Variants in NOTCH2NLC observed in about 807,000 individuals in gnomAD.
NOTCH2NLC encodes the protein notch homolog 2 N-terminal-like protein C.
NOTCH2NLC carries 4 observed loss-of-function variants against 17.7 expected under a neutral mutation model. The ratio of observed to expected loss-of-function variants is 0.23; its 90% confidence interval spans 0.11 to 0.52. NOTCH2NLC has a LOEUF of 0.52. Among genes scored for constraint, NOTCH2NLC ranks in the 20% least tolerant of loss-of-function variants. The probability of loss-of-function intolerance (pLI) is 0.96; values close to 1 mark genes in which losing one functional copy is unlikely to be tolerated. For synonymous variants in NOTCH2NLC, 18 were observed against 86.0 expected (o/e 0.21, Z 4.38); for missense variants, 57 against 207.2 (o/e 0.28, Z 4.45).
intron 1 of NOTCH2NLC, among the ~76,000 whole-genome samples, chr1:149,393,232 CAAGTT>C (rs1426380932): frequency 3.3e-5 from 5 of 150,494 alleles, no homozygotes; most frequent in African/African-American, 1.2e-4. Flanking sequence ...TTTAGGTAGT[CAAGTT>C]GAGTGTTAGT....
chr1:149,413,803 T>G (rs2084313502), intron 1 of NOTCH2NLC, among the ~76,000 whole-genome samples: 1 of 151,094 alleles, frequency 6.6e-6, no homozygotes, highest in Non-Finnish European at 1.5e-5. Flanking sequence ...ATTAGTATAT[T>G]GCTGATTTGG....
At chr1:149,400,128 AT>A (rs1337843676) in intron 1 of NOTCH2NLC, among the ~76,000 whole-genome samples, 2 of 141,576 alleles carry the variant, frequency 1.4e-5, no homozygotes, top group East Asian at 4.0e-4. Context: ...ATATATATAT[AT>A]ATAATATATA....
chr1:149,393,381 A>C (rs1345732066), intron 1 of NOTCH2NLC, among the ~76,000 whole-genome samples: 1 of 151,126 alleles, frequency 6.6e-6, no homozygotes, highest in Non-Finnish European at 1.5e-5. Flanking sequence ...TAGAGTCTAC[A>C]GTGAAGGCTT....
intron 2 of NOTCH2NLC, among the ~76,000 whole-genome samples, chr1:149,442,141 A>C (rs1559608852): frequency 6.6e-6 from 1 of 150,450 alleles, no homozygotes; most frequent in African/African-American, 2.4e-5. Context: ...ACAGGCTCTC[A>C]TGTTGGCCAG....
At chr1:149,461,340 A>C (rs1359172888) in intron 3 of NOTCH2NLC, among the ~76,000 whole-genome samples, 2 of 149,308 alleles carry the variant, frequency 1.3e-5, no homozygotes, top group Non-Finnish European at 3.0e-5. Context: ...TCTTAGTGAC[A>C]TGAGTGGAAA....
At chr1:149,463,278 C>T (rs1328170414) in intron 3 of NOTCH2NLC, among the ~76,000 whole-genome samples, 2 of 149,278 alleles carry the variant, frequency 1.3e-5, no homozygotes, top group Admixed American at 6.7e-5. Context: ...GCTCCACCCA[C>T]TGAGTCCTTG....
intron 3 of NOTCH2NLC, among the ~76,000 whole-genome samples, chr1:149,461,493 A>G (rs1184908364): frequency 1.3e-5 from 2 of 150,236 alleles, no homozygotes; most frequent in African/African-American, 4.9e-5. Context: ...CATATGTCAC[A>G]TCTCGCATCT....
chr1:149,429,568 A>T (rs2084432313), intron 1 of NOTCH2NLC, among the ~76,000 whole-genome samples: 1 of 151,010 alleles, frequency 6.6e-6, no homozygotes, highest in South Asian at 2.1e-4. Context: ...AGTAAGTTCT[A>T]TGTGTTAGCC....
At chr1:149,392,953 C>T (rs1214316124) in intron 1 of NOTCH2NLC, among the ~76,000 whole-genome samples, 1 of 148,410 alleles carries the variant, frequency 6.7e-6, no homozygotes, top group Non-Finnish European at 1.5e-5. Flanking sequence ...CGCCTGTAGT[C>T]CCAGCTACTT....
intron 1 of NOTCH2NLC, among the ~76,000 whole-genome samples, chr1:149,393,025 C>T (rs1372607062): frequency 6.9e-6 from 1 of 145,212 alleles, no homozygotes; most frequent in African/African-American, 2.6e-5. Context: ...AGCCGAGATC[C>T]CGCCACTGCA....
intron 1 of NOTCH2NLC, among the ~76,000 whole-genome samples, chr1:149,426,901 C>T (rs1243784306): frequency 6.6e-6 from 1 of 150,702 alleles, no homozygotes; most frequent in African/African-American, 2.4e-5. Context: ...GTCTCACTTT[C>T]ATGGCTTCAG....
In NOTCH2NLC at chr1:149,437,033, G is replaced by A. The variant is rs1279255439; in HGVS notation, c.209+6018G>A. Among the ~76,000 whole-genome samples, 3 of 114,246 alleles carry A rather than the reference G, an allele frequency of 2.6e-5. No individual in the cohort carries two copies. The East Asian group carries it at 7.9e-4, about 30-fold the overall frequency. 74.9% of individuals were successfully genotyped at this position (114,246 alleles called of 152,430 possible). A position where few individuals can be genotyped will look rare whatever the true frequency, so the allele number is the denominator to read the frequency against. On this transcript the variant is annotated intron_variant, in intron 2 of 4. Coordinates refer to ENST00000650865, the MANE Select transcript of NOTCH2NLC (RefSeq NM_001364013.2). Reference sequence around the variant, plus strand: ...GTAGTAGTTGCAGTTAATCAATATTGTTATCATATTATTTCACACTTCTTT... The same window carrying A: ...GTAGTAGTTGCAGTTAATCAATATTATTATCATATTATTTCACACTTCTTT...
At chr1:149,432,397 A>G (rs2101490275) in intron 2 of NOTCH2NLC, among the ~76,000 whole-genome samples, 1 of 151,332 alleles carries the variant, frequency 6.6e-6, no homozygotes, top group East Asian at 2.0e-4. Context: ...ATTGGAATAA[A>G]GATAACATTG....
At chr1:149,398,204 CTCTT>C (rs1290206643) in intron 1 of NOTCH2NLC, among the ~76,000 whole-genome samples, 1 of 150,918 alleles carries the variant, frequency 6.6e-6, no homozygotes, top group Non-Finnish European at 1.5e-5. Context: ...TGCCATTTTC[CTCTT>C]TCTTTGTTGT....
Position 149,399,987 on chromosome 1 carries a change from G to A in NOTCH2NLC, c.135+9065G>A, listed in dbSNP as rs1178747912. 1.2e-3 allele frequency among the ~76,000 whole-genome samples: 180 copies of A among 149,636 alleles called. 4 individuals are homozygous for A. The highest frequency in any genetic ancestry group is 4.2e-3 in the African/African-American group (172 of 40,938). ...ATAAAAAGTAATTATGTTTGAAAAA[G>A]TAGTTAAGGATGTTTGAAGAATCTA... is the stretch of plus-strand genomic sequence containing the variant. On this transcript the variant is annotated intron_variant, in intron 1 of 4. Transcript: ENST00000650865.
intron 1 of NOTCH2NLC, among the ~76,000 whole-genome samples, chr1:149,429,014 A>G: frequency 6.9e-6 from 1 of 145,464 alleles, no homozygotes; most frequent in South Asian, 2.2e-4. Flanking sequence ...ATAACCTGAC[A>G]TTAACTGTTT....
chr1:149,395,760 T>C (rs2084202393), intron 1 of NOTCH2NLC, among the ~76,000 whole-genome samples: 1 of 147,082 alleles, frequency 6.8e-6, no homozygotes, highest in African/African-American at 2.5e-5. Flanking sequence ...TTGAGTTGGA[T>C]ATTGCAAACT....
At chr1:149,437,731 G>A (rs1398367813) in intron 2 of NOTCH2NLC, among the ~76,000 whole-genome samples, 1 of 151,708 alleles carries the variant, frequency 6.6e-6, no homozygotes, top group African/African-American at 2.4e-5. Flanking sequence ...CCAAAGTGCT[G>A]GGATTACAGG....
At chr1:149,408,606 G>A (rs1284052111) in intron 1 of NOTCH2NLC, among the ~76,000 whole-genome samples, 1 of 151,258 alleles carries the variant, frequency 6.6e-6, no homozygotes, top group Non-Finnish European at 1.5e-5. Flanking sequence ...ATACATTTCA[G>A]GGAATAAAAT....
Sources: allele counts gnomAD v4.1 joint callset (sites outside exome capture counted in the v4.1 genomes callset), GRCh38; gene constraint gnomAD v4.1.1; transcripts MANE v1.5; gene names NCBI Gene and HGNC (gene_info 2026-07-23, HGNC 2026-07-21).